The following LAMA2 variants were observed in gnomAD, a reference collection of about 807,000 sequenced individuals.
The protein encoded by LAMA2 is laminin subunit alpha 2.
In LAMA2, 269 loss-of-function variants were observed where a neutral mutation model predicts 364.8. The observed-to-expected ratio is 0.74, with a 90% CI of 0.67 to 0.82. LAMA2 has a LOEUF of 0.82. Ranked by LOEUF, LAMA2 falls within the 40% of genes least tolerant of loss-of-function variation. The probability of loss-of-function intolerance (pLI) is 0.00; values close to 1 mark genes in which losing one functional copy is unlikely to be tolerated. For synonymous variants in LAMA2, 1,379 were observed against 1,370.6 expected (o/e 1.01, Z -0.14); for missense variants, 3,807 against 3,873.2 (o/e 0.98, Z 0.45).
chr6:128,918,829 C>G (rs919952651), intron 1 of LAMA2, among the ~76,000 whole-genome samples: 2 of 152,178 alleles, frequency 1.3e-5, no homozygotes, highest in South Asian at 4.2e-4. Context: ...ACAAGTAGTT[C>G]GAGGTTCAGC....
chr6:129,382,469 G>A (rs1410944944), intron 34 of LAMA2, among the ~76,000 whole-genome samples: 1 of 152,118 alleles, frequency 6.6e-6, no homozygotes, highest in African/African-American at 2.4e-5. Flanking sequence ...GGCTGTTTTG[G>A]GGTTCTGTTT....
chr6:128,910,364 C>T (rs1209755341), intron 1 of LAMA2, among the ~76,000 whole-genome samples: 1 of 152,094 alleles, frequency 6.6e-6, no homozygotes, highest in Non-Finnish European at 1.5e-5. Flanking sequence ...CTAAACTTCC[C>T]TTCTTGCTTC....
intron 3 of LAMA2, among the ~76,000 whole-genome samples, chr6:129,085,254 A>G (rs777230829): frequency 6.6e-5 from 10 of 152,216 alleles, no homozygotes; most frequent in Non-Finnish European, 1.3e-4. Context: ...GGAAATGTCT[A>G]TAGACTTTTC....
intron 2 of LAMA2, among the ~76,000 whole-genome samples, chr6:129,053,557 A>C (rs1788244055): frequency 1.3e-5 from 2 of 152,170 alleles, no homozygotes. Flanking sequence ...AGGGAAACAG[A>C]TTTCAAGGGA....
At chr6:129,169,158 T>C (rs1779966246) in intron 9 of LAMA2, among the ~76,000 whole-genome samples, 2 of 150,712 alleles carry the variant, frequency 1.3e-5, no homozygotes, top group South Asian at 4.2e-4. Context: ...TTTATTTCCT[T>C]CTCCTGCCTA....
At chr6:129,485,354 G>A (rs1784540099) in intron 55 of LAMA2, among the ~76,000 whole-genome samples, 1 of 152,098 alleles carries the variant, frequency 6.6e-6, no homozygotes, top group Non-Finnish European at 1.5e-5. Flanking sequence ...ACACTATGTA[G>A]TATAGTATAA....
chr6:128,998,040 C>T (rs981080509), intron 1 of LAMA2, among the ~76,000 whole-genome samples: 9 of 151,972 alleles, frequency 5.9e-5, no homozygotes, highest in African/African-American at 1.9e-4. Context: ...AGTCAGAGAG[C>T]TGCACAGATG....
At chr6:129,366,196 T>C (rs757479941) in intron 32 of LAMA2, 23 bp from the exon 33 acceptor site, 1 of 1,613,252 alleles carries the variant, frequency 6.2e-7, no homozygotes. Flanking sequence ...AAGTAACTAC[T>C]CTTTGTCACT....
chr6:129,355,598 C>T (rs1777107490), intron 32 of LAMA2, among the ~76,000 whole-genome samples: 2 of 152,044 alleles, frequency 1.3e-5, no homozygotes, highest in South Asian at 4.1e-4. Flanking sequence ...TTGCATAAGG[C>T]CTGGGGGTGA....
intron 16 of LAMA2, among the ~76,000 whole-genome samples, chr6:129,270,415 T>C (rs1018579405): frequency 2.0e-5 from 3 of 152,100 alleles, no homozygotes; most frequent in African/African-American, 7.2e-5. Flanking sequence ...TTTTTGTAAG[T>C]ATGCATATGC....
intron 12 of LAMA2, among the ~76,000 whole-genome samples, chr6:129,198,363 G>A (rs561277491): frequency 1.3e-5 from 2 of 152,250 alleles, no homozygotes; most frequent in South Asian, 4.1e-4. Flanking sequence ...AATAGAGCCA[G>A]GATTACAATC....
rs1341965723 is a variant in LAMA2 at position 129,383,113 on chromosome 6, G to C, written c.4960-9G>C. The C allele has an allele frequency of 2.5e-6, 4 of 1,610,942 alleles. No homozygotes were observed. Among genetic ancestry groups the C allele is most frequent in the Non-Finnish European group, 3.4e-6 (4 of 1,177,702 alleles). On this transcript the variant is annotated splice_polypyrimidine_tract_variant and intron_variant, in intron 34 of 64. Transcript: ENST00000421865. ...ATTAATTATGTGTTTCCCGAATTTG[G>C]ATCATTAGGCTACCAAAGTGACAGC...
chr6:129,219,840 AG>A (rs1423900936), intron 12 of LAMA2, among the ~76,000 whole-genome samples: 8 of 7,240 alleles, frequency 1.1e-3, no homozygotes, highest in Admixed American at 2.9e-3. Flanking sequence ...GGTGGGGGGG[AG>A]GGGGGAGAGA....
intron 41 of LAMA2, among the ~76,000 whole-genome samples, chr6:129,438,099 T>G (rs920791289): frequency 3.3e-5 from 5 of 151,694 alleles, no homozygotes; most frequent in African/African-American, 4.8e-5. Context: ...TATTGTTTTC[T>G]TTATGAGAAA....
At chr6:128,938,455 G>A (rs28385612) in intron 1 of LAMA2, among the ~76,000 whole-genome samples, 19,369 of 151,986 alleles carry the variant, frequency 0.13, 1,554 homozygotes, top group African/African-American at 0.23. Flanking sequence ...TGTTTTAGAC[G>A]GCGTAGTTAT....
chr6:128,937,006 A>G (rs1365691147), intron 1 of LAMA2, among the ~76,000 whole-genome samples: 2 of 152,194 alleles, frequency 1.3e-5, no homozygotes, highest in African/African-American at 4.8e-5. Flanking sequence ...AGGAAACAGG[A>G]CAGTGTAAGA....
intron 34 of LAMA2, among the ~76,000 whole-genome samples, chr6:129,381,712 T>C (rs1648783785): frequency 1.3e-5 from 2 of 152,238 alleles, no homozygotes; most frequent in South Asian, 4.1e-4. Flanking sequence ...CCATTATTAA[T>C]GTTTTAGAAG....
intron 1 of LAMA2, among the ~76,000 whole-genome samples, chr6:128,889,549 C>G (rs1776330177): frequency 6.6e-6 from 1 of 152,150 alleles, no homozygotes; most frequent in Non-Finnish European, 1.5e-5. Flanking sequence ...CTCTCCCTCT[C>G]TTCTCTTTCT....
chr6:128,981,117 A>G (rs1174458880), intron 1 of LAMA2, among the ~76,000 whole-genome samples: 1 of 152,080 alleles, frequency 6.6e-6, no homozygotes, highest in Non-Finnish European at 1.5e-5. Context: ...TCTGTTCCTC[A>G]CAGTCACACT....
Sources: allele counts gnomAD v4.1 joint callset (sites outside exome capture counted in the v4.1 genomes callset), GRCh38; gene constraint gnomAD v4.1.1; transcripts MANE v1.5; gene names NCBI Gene and HGNC (gene_info 2026-07-23, HGNC 2026-07-21).